The following NEK9 variants were observed in gnomAD, a reference collection of about 807,000 sequenced individuals.
The protein encoded by NEK9 is NIMA related kinase 9, also known as serine/threonine-protein kinase Nek9.
In NEK9, 75 loss-of-function variants were observed where a neutral mutation model predicts 123.4. That is an observed-to-expected ratio of 0.61 (90% confidence interval 0.50 to 0.74). The LOEUF (loss-of-function observed/expected upper bound fraction) is 0.74, where lower values mean the gene tolerates loss of function less well. Ranked by LOEUF, NEK9 falls within the 30% of genes least tolerant of loss-of-function variation. The pLI is 0.00. For missense variants in NEK9, 952 were observed against 1,214.4 expected (o/e 0.78, Z 3.21); for synonymous variants, 438 against 458.7 (o/e 0.95, Z 0.58).
chr14:75,103,193 TA>T (rs565837587), intron 14 of NEK9, among the ~76,000 whole-genome samples: 1,688 of 112,784 alleles, frequency 0.015, 8 homozygotes, highest in East Asian at 0.035. Flanking sequence ...AAAAGTATAA[TA>T]AAAAAAAAAA....
intron 16 of NEK9, 51 bp from the exon 17 acceptor site, chr14:75,097,321 A>G (rs1009198933): frequency 5.5e-6 from 8 of 1,451,266 alleles, no homozygotes; most frequent in South Asian, 2.8e-5. Context: ...TGGCTTCCCA[A>G]TTCTCCGGGT....
chr14:75,107,267 C>A, intron 11 of NEK9, 76 bp downstream of exon 11: 1 of 1,457,360 alleles, frequency 6.9e-7, no homozygotes, highest in South Asian at 1.3e-5. Flanking sequence ...TTTAAAATCC[C>A]AACTAAGATT....
chr14:75,095,170 G>A (rs1334392839), intron 18 of NEK9, among the ~76,000 whole-genome samples: 1 of 152,204 alleles, frequency 6.6e-6, no homozygotes, highest in African/African-American at 2.4e-5. Flanking sequence ...AGGCAAAGAT[G>A]ATGTAGTGTC....
chr14:75,120,573 A>G lies in NEK9; in HGVS notation c.461T>C (p.Val154Ala). 1 of 1,611,782 alleles carries G rather than the reference A, an allele frequency of 6.2e-7. No homozygotes were observed. Among genetic ancestry groups the G allele is most frequent in the Non-Finnish European group, 8.5e-7 (1 of 1,178,280 alleles). ...TGAAACAATCTGAAATAGGTACCACACCACCATCTGCAGAGAAAAAATAAA... is the reference window on the plus strand; with the variant it reads ...TGAAACAATCTGAAATAGGTACCACGCCACCATCTGCAGAGAAAAAATAAA... ...KDKLFEEEMV[V>A]WYLFQIVSAV... The change falls in exon 4 of 22, where the codon GTG becomes GCG. Residue 154 changes from valine (V) to alanine (A), a missense_variant. Around this residue, in one of 4 missense-constraint regions of NEK9, gnomAD observed 106 missense variants for 153.0 expected, o/e 0.69. Coordinates refer to ENST00000238616, the MANE Select transcript of NEK9 (RefSeq NM_033116.6).
rs1895563042 is a variant in NEK9 at position 75,127,022 on chromosome 14, C to T, written c.-101G>A. The T allele has an allele frequency of 1.0e-6, 1 of 961,644 alleles. No individual in the cohort carries two copies. Among genetic ancestry groups the T allele is most frequent in the African/African-American group, 1.8e-5 (1 of 57,074 alleles). The allele number at this position is 961,644 out of a possible 1,614,324, so 59.6% of individuals were successfully genotyped here. A position where few individuals can be genotyped will look rare whatever the true frequency, so the allele number is the denominator to read the frequency against. On this transcript the variant is annotated 5_prime_UTR_variant, in exon 1 of 22. Coordinates refer to ENST00000238616, the MANE Select transcript of NEK9 (RefSeq NM_033116.6). Reference sequence around the variant, plus strand: ...AGATGCCGGCCCGCGGATCCGTCAGCCCAGCAACCCCGCGAAGCTCGATGG... The same window carrying T: ...AGATGCCGGCCCGCGGATCCGTCAGTCCAGCAACCCCGCGAAGCTCGATGG...
At chr14:75,111,716 C>A (rs1297921243) in intron 8 of NEK9, among the ~76,000 whole-genome samples, 1 of 152,102 alleles carries the variant, frequency 6.6e-6, no homozygotes, top group African/African-American at 2.4e-5. Context: ...CGTAGTAAAA[C>A]CTTGTCTCTA....
Position 75,087,171 on chromosome 14 carries a change from A to G in NEK9, c.2664T>C (p.Pro888=). The part of the protein sequence containing the change: ...CAGKGTPLTP[P]ACACSSLQVE... ...CCTGCAGAGAGCTGCACGCACACGCAGGAGGAGTCAGTGGTGTTCCCTTCC... is the reference window on the plus strand; with the variant it reads ...CCTGCAGAGAGCTGCACGCACACGCGGGAGGAGTCAGTGGTGTTCCCTTCC... Residue 888 remains proline (P), a synonymous_variant, in exon 21 of 22, where the codon CCT becomes CCC. Transcript: ENST00000238616. 6.2e-7 allele frequency: 1 copy of G among 1,614,192 alleles called. No homozygotes were observed. Among genetic ancestry groups the G allele is most frequent in the Non-Finnish European group, 8.5e-7 (1 of 1,180,030 alleles).
intron 16 of NEK9, among the ~76,000 whole-genome samples, 168 bp from the exon 17 acceptor site, chr14:75,097,438 G>C (rs1411186719): frequency 1.3e-5 from 2 of 152,144 alleles, no homozygotes; most frequent in African/African-American, 4.8e-5. Flanking sequence ...GATTCCACTT[G>C]GGTAAAAATG....
chr14:75,119,509 G>T (rs1422162345), intron 4 of NEK9, among the ~76,000 whole-genome samples: 1 of 152,136 alleles, frequency 6.6e-6, no homozygotes, highest in Non-Finnish European at 1.5e-5. Context: ...TACTACTGAA[G>T]CTATTAGGAA....
intron 21 of NEK9, among the ~76,000 whole-genome samples, chr14:75,086,132 T>A (rs1465582510): frequency 6.6e-6 from 1 of 151,564 alleles, no homozygotes; most frequent in Non-Finnish European, 1.5e-5. Context: ...GAGGTTGCAG[T>A]AAGCCGAGAT....
At chr14:75,117,747 C>T (rs1025043511) in intron 5 of NEK9, among the ~76,000 whole-genome samples, 3 of 152,180 alleles carry the variant, frequency 2.0e-5, no homozygotes, top group Admixed American at 6.6e-5. Flanking sequence ...AACTAAAATA[C>T]GCGCAATGAA....
rs1296974423 is a variant in NEK9 at position 75,124,163 on chromosome 14, G to A, written c.280C>T (p.Arg94Cys). 6.4e-5 allele frequency: 104 copies of A among 1,613,966 alleles called. No homozygotes were observed. The highest frequency in any genetic ancestry group is 8.7e-5 in the Non-Finnish European group (103 of 1,179,984). ...ATAACAATCTCATTCAAGGCATCAC[G>A]ACGTTCCTTCTCAGACAGCCGGGTC... The part of the protein sequence containing the change: ...DLTRLSEKER[R>C]DALNEIVILA... Residue 94 changes from arginine to cysteine, a missense_variant, in exon 2 of 22, where the codon CGT (arginine) becomes TGT (cysteine). Arg to Cys is a radical substitution (Grantham distance 180). Coordinates refer to ENST00000238616, the MANE Select transcript of NEK9 (RefSeq NM_033116.6).
chr14:75,114,513 C>T (rs1895064575), intron 6 of NEK9, among the ~76,000 whole-genome samples, 200 bp from the exon 7 acceptor site: 1 of 152,100 alleles, frequency 6.6e-6, no homozygotes. Flanking sequence ...AGCCAACTGG[C>T]CATACAATCT....
chr14:75,122,813 T>TTA (rs1895384275), intron 2 of NEK9, among the ~76,000 whole-genome samples: 1 of 146,612 alleles, frequency 6.8e-6, no homozygotes, highest in African/African-American at 2.5e-5. Context: ...TTTTTTTTTT[T>TTA]GAGACAGGGT....
At chr14:75,108,514 C>CGT (rs35358755) in intron 10 of NEK9, among the ~76,000 whole-genome samples, 2,522 of 147,874 alleles carry the variant, frequency 0.017, 62 homozygotes, top group African/African-American at 0.05. Context: ...TGTGCGTGTG[C>CGT]GTGTGTGTGT....
At chr14:75,101,614 G>T in intron 15 of NEK9, 43 bp downstream of exon 15, 1 of 1,333,686 alleles carries the variant, frequency 7.5e-7, no homozygotes, top group South Asian at 1.2e-5. Flanking sequence ...AATAAAAGAG[G>T]CTCAGCTACT....
chr14:75,083,238 T>C lies in NEK9; in HGVS notation c.*1326A>G, dbSNP rs1893919128. On this transcript the variant is annotated 3_prime_UTR_variant, in exon 22 of 22. Transcript: ENST00000238616. The stretch of plus-strand genomic sequence containing the variant: ...GACACAAAATACCACAGGAACATTT[T>C]ACAAGGCTAGGTGGAAATACAAAGC... 1.3e-5 allele frequency: 5 copies of C among 397,378 alleles called. No homozygotes were observed. The highest frequency in any genetic ancestry group is 2.2e-5 in the Non-Finnish European group (5 of 225,868). 24.6% of individuals were successfully genotyped at this position (397,378 alleles called of 1,614,324 possible).
At chr14:75,120,048 C>T (rs1358826313) in intron 4 of NEK9, among the ~76,000 whole-genome samples, 1 of 152,134 alleles carries the variant, frequency 6.6e-6, no homozygotes, top group Non-Finnish European at 1.5e-5. Flanking sequence ...TGCTTCTCTT[C>T]TATAGCTAGA....
At chr14:75,117,489 G>T (rs1212175233) in intron 5 of NEK9, among the ~76,000 whole-genome samples, 163 bp from the exon 6 acceptor site, 6 of 152,184 alleles carry the variant, frequency 3.9e-5, no homozygotes, top group Non-Finnish European at 8.8e-5. Flanking sequence ...ACTATGGAAA[G>T]AAATCTTATT....
Sources: allele counts gnomAD v4.1 joint callset (sites outside exome capture counted in the v4.1 genomes callset), GRCh38; gene constraint gnomAD v4.1.1; regional missense constraint gnomAD v4.1.1; transcripts MANE v1.5; gene names NCBI Gene and HGNC (gene_info 2026-07-23, HGNC 2026-07-21).